Variants in LPA observed in about 807,000 individuals in gnomAD.
LPA encodes apolipoprotein(a).
LPA carries 199 observed loss-of-function variants against 197.9 expected under a neutral mutation model. The ratio of observed to expected loss-of-function variants is 1.01; its 90% confidence interval spans 0.90 to 1.13. The LOEUF is 1.13. Among genes scored for constraint, LPA ranks in the 50% most tolerant of loss-of-function variants. LPA has a pLI of 0.00. For synonymous variants in LPA, 715 were observed against 639.5 expected (o/e 1.12, Z -1.78); for missense variants, 1,853 against 1,785.8 (o/e 1.04, Z -0.68).
intron 28 of LPA, among the ~76,000 whole-genome samples, chr6:160,566,645 T>C (rs938460203): frequency 2.0e-5 from 3 of 152,136 alleles, no homozygotes; most frequent in African/African-American, 7.2e-5. Flanking sequence ...ATAAAAATAT[T>C]AACCTTAAAT....
rs2115001670 is a variant in LPA, at chr6:160,545,466, A to G, written c.5372T>C (p.Phe1791Ser). 1.9e-6 allele frequency: 3 copies of G among 1,612,508 alleles called. No homozygotes were observed. Among genetic ancestry groups the G allele is most frequent in the Non-Finnish European group, 2.5e-6 (3 of 1,178,618 alleles). Residue 1791 changes from phenylalanine to serine, a missense_variant, in exon 33 of 39, where the codon TTT (phenylalanine) becomes TCT (serine). Phe to Ser is a radical substitution (Grantham distance 155). This residue lies in a region of LPA where 1,737 missense variants were observed against 1,504.4 expected (regional missense o/e 1.15). Transcript: ENST00000316300. ...WCYTMNPRKL[F>S]DYCDIPLCAS... is the part of the protein sequence containing the mutation. The stretch of plus-strand genomic sequence containing the variant: ...ACAGAGAGGGATATCACAGTAGTCA[A>G]AAAGTTTTCTTGGATTCATTGTGTA...
intron 26 of LPA, among the ~76,000 whole-genome samples, chr6:160,579,254 C>T (rs776418289): frequency 1.8e-4 from 27 of 152,108 alleles, no homozygotes; most frequent in African/African-American, 6.5e-4. Flanking sequence ...TCTACATTTG[C>T]AATATAAAAT....
intron 30 of LPA, among the ~76,000 whole-genome samples, chr6:160,553,954 T>TGTGTGTGTGTGCGC (rs771903485): frequency 1.5e-3 from 202 of 130,794 alleles, no homozygotes; most frequent in Middle Eastern, 0.015. Flanking sequence ...TGTGTGTGTG[T>TGTGTGTGTGTGCGC]GCGCGCGCGC....
chr6:160,650,249 T>C lies in LPA; in HGVS notation c.209+89A>G, dbSNP rs1338404089. ...ATGCATTCTATGTGTGAGAAAAATT[T>C]AATCATAAGAAGTTAGCTTGACGCA... On this transcript the variant is annotated intron_variant, in intron 2 of 38. Transcript: ENST00000316300. The C allele has an allele frequency of 3.1e-5, 42 of 1,357,520 alleles. No homozygotes were observed. The South Asian group carries it at 4.8e-4, about 15-fold the overall frequency. The allele number at this position is 1,357,520 out of a possible 1,614,324, so 84.1% of individuals were successfully genotyped here.
chr6:160,650,195 T>C, intron 2 of LPA, 143 bp downstream of exon 2: 1 of 787,234 alleles, frequency 1.3e-6, no homozygotes, highest in Non-Finnish European at 2.2e-6. Flanking sequence ...TACTCTTTGC[T>C]CAAAGTAATG....
intron 32 of LPA, among the ~76,000 whole-genome samples, chr6:160,546,288 C>A (rs1778070313): frequency 6.6e-6 from 1 of 152,092 alleles, no homozygotes; most frequent in African/African-American, 2.4e-5. Flanking sequence ...AATGAAGCCT[C>A]CATAAAAACC....
At chr6:160,558,549 G>A (rs916439170) in intron 28 of LPA, among the ~76,000 whole-genome samples, 19 of 152,190 alleles carry the variant, frequency 1.2e-4, no homozygotes, top group Non-Finnish European at 2.5e-4. Context: ...TCTAGGATGG[G>A]TTCCTGGGCA....
rs570014100 is a variant in LPA, at chr6:160,571,862, C to T, written c.4631+5274G>A. 9.2e-5 allele frequency among the ~76,000 whole-genome samples: 14 copies of T among 152,276 alleles called. No individual in the cohort carries two copies. In the South Asian group the frequency reaches 2.9e-3, roughly 32 times the overall value. On this transcript the variant is annotated intron_variant, in intron 28 of 38. Coordinates refer to ENST00000316300, the MANE Select transcript of LPA (RefSeq NM_005577.4). ...AGACCACTTAGCTCCCTGGCTTCAG[C>T]CCTTTCTTCACGGGGGTGAATGGTT...
intron 16 of LPA, 43 bp from the exon 17 acceptor site, chr6:160,606,701 T>C (rs771023670): frequency 1.8e-5 from 29 of 1,606,328 alleles, no homozygotes; most frequent in East Asian, 8.9e-5. Flanking sequence ...GGTGGGACAA[T>C]ATGCAGGGGC....
At position 160,595,233 on chromosome 6, in the gene LPA, C is replaced by A. The variant is rs1038326503; in HGVS notation, c.3469+121G>T. 2.9e-5 allele frequency: 37 copies of A among 1,274,372 alleles called. 1 individual carries two copies. In the Admixed American group the frequency reaches 5.2e-4, roughly 18 times the overall value. 78.9% of individuals were successfully genotyped at this position (1,274,372 alleles called of 1,614,324 possible). A position where few individuals can be genotyped will look rare whatever the true frequency, so the allele number is the denominator to read the frequency against. ...CTGAGTGTTCCTTCCCAGTGGCTGA[C>A]CCTGAGTCCACATTCTACTTGGAAT... On this transcript the variant is annotated intron_variant, in intron 21 of 38. Coordinates refer to ENST00000316300, the MANE Select transcript of LPA (RefSeq NM_005577.4).
At chr6:160,641,048 T>C (rs1365030812) in intron 4 of LPA, among the ~76,000 whole-genome samples, 200 bp from the exon 5 acceptor site, 1 of 139,464 alleles carries the variant, frequency 7.2e-6, no homozygotes, top group African/African-American at 2.9e-5. Flanking sequence ...TAATAGATTA[T>C]TACTATTTTT....
intron 18 of LPA, among the ~76,000 whole-genome samples, chr6:160,601,940 A>T (rs1283418143): frequency 6.6e-6 from 1 of 152,210 alleles, no homozygotes; most frequent in Non-Finnish European, 1.5e-5. Flanking sequence ...AGGTCTGAAG[A>T]GGTCGGGCAG....
intron 26 of LPA, among the ~76,000 whole-genome samples, chr6:160,583,299 T>C (rs962441330): frequency 6.6e-6 from 1 of 152,210 alleles, no homozygotes; most frequent in Non-Finnish European, 1.5e-5. Context: ...TTAATTTTGT[T>C]GTTTACCTCT....
intron 28 of LPA, among the ~76,000 whole-genome samples, chr6:160,562,254 T>C (rs1325986950): frequency 6.6e-6 from 1 of 152,226 alleles, no homozygotes; most frequent in East Asian, 1.9e-4. Context: ...CAATACCTAG[T>C]TTATTAAGAG....
intron 31 of LPA, 72 bp downstream of exon 31, chr6:160,548,406 A>G (rs1778110128): frequency 4.6e-6 from 7 of 1,510,296 alleles, no homozygotes; most frequent in Non-Finnish European, 6.4e-6. Flanking sequence ...GTGGTTTTTC[A>G]TGTCTTTTCA....
rs1219134815 is a variant in LPA, at chr6:160,595,445, G to A, written c.3378C>T (p.Cys1126=). Residue 1126 remains cysteine, a synonymous_variant, in exon 21 of 39, where the codon TGC becomes TGT. Transcript: ENST00000316300. The stretch of plus-strand genomic sequence containing the variant: ...CTGTCACCAGGCATTGTGTCAGGTT[G>A]CAGTACTCCCACCTGACACTGGGAT... The part of the protein sequence containing the change: ...TMDPSVRWEY[C]NLTQCLVTES... 6.2e-7 allele frequency: 1 copy of A among 1,613,812 alleles called. No homozygotes were observed.
intron 7 of LPA, 69 bp downstream of exon 7, chr6:160,635,054 C>T: frequency 4.7e-6 from 7 of 1,489,368 alleles, no homozygotes; most frequent in Non-Finnish European, 6.5e-6. Flanking sequence ...GCGGCTGCAT[C>T]AGTGGGAATT....
At chr6:160,558,080 T>C (rs368425688) in intron 28 of LPA, among the ~76,000 whole-genome samples, 18 of 152,122 alleles carry the variant, frequency 1.2e-4, no homozygotes, top group South Asian at 2.1e-4. Context: ...CCACCACGCC[T>C]GGCTAATTTT....
At chr6:160,559,180 T>C (rs1174141112) in intron 28 of LPA, among the ~76,000 whole-genome samples, 1 of 152,214 alleles carries the variant, frequency 6.6e-6, no homozygotes, top group Non-Finnish European at 1.5e-5. Flanking sequence ...CCAATTAATC[T>C]GTGCTACCCC....
Sources: allele counts gnomAD v4.1 joint callset (sites outside exome capture counted in the v4.1 genomes callset), GRCh38; gene constraint gnomAD v4.1.1; regional missense constraint gnomAD v4.1.1; transcripts MANE v1.5; gene names NCBI Gene and HGNC (gene_info 2026-07-23, HGNC 2026-07-21).